The following XKRX variants were observed in gnomAD, a reference collection of about 807,000 sequenced individuals.
XKRX encodes XK-related protein 2.
Under a neutral mutation model 22.4 loss-of-function variants are expected in XKRX, and 11 were observed. That is an observed-to-expected ratio of 0.49 (90% CI 0.31 to 0.81). The LOEUF is 0.81. XKRX is among the 40% of genes least tolerant of loss of function. The pLI, the probability that XKRX is intolerant of heterozygous loss-of-function variation, is 0.05. For missense variants in XKRX, 320 were observed against 336.5 expected (o/e 0.95, Z 0.38); for synonymous variants, 114 against 132.2 (o/e 0.86, Z 0.94).
chrX:100,937,691 G>A, the XKRX span, among the ~76,000 whole-genome samples: 1 of 111,915 alleles, frequency 8.9e-6, no homozygotes, highest in Non-Finnish European at 1.9e-5. Flanking sequence ...AGAGTCATTC[G>A]CACACAAGGG....
the XKRX span, among the ~76,000 whole-genome samples, chrX:100,904,087 TA>T: frequency 2.7e-5 from 3 of 111,906 alleles, no homozygotes; most frequent in African/African-American, 9.7e-5. Flanking sequence ...AGACTTACTA[TA>T]AAGCTACAGT....
At chrX:100,904,414 G>A in the XKRX span, among the ~76,000 whole-genome samples, 1 of 112,460 alleles carries the variant, frequency 8.9e-6, no homozygotes, top group East Asian at 2.8e-4. Flanking sequence ...GATAACATAG[G>A]AGAAAATCTA....
At chrX:100,911,778 G>T (rs2085407872), downstream of XKRX, among the ~76,000 whole-genome samples, 1 of 111,610 alleles carries the variant, frequency 9.0e-6, no homozygotes, top group South Asian at 3.8e-4. Context: ...GAACCAAAAG[G>T]CCACCATCTG....
chrX:100,927,683 T>TG (rs1330844969), intron 1 of XKRX, among the ~76,000 whole-genome samples: 1 of 111,656 alleles, frequency 9.0e-6, no homozygotes. Flanking sequence ...TCTGCAGCTA[T>TG]GGCCTTCATG....
the XKRX span, among the ~76,000 whole-genome samples, chrX:100,945,582 G>A: frequency 1.8e-5 from 2 of 111,437 alleles, no homozygotes; most frequent in East Asian, 5.6e-4. Flanking sequence ...CATGAGCTAT[G>A]CAGTCAGGCA....
chrX:100,891,644 A>C, the XKRX span, among the ~76,000 whole-genome samples: 1 of 108,989 alleles, frequency 9.2e-6, no homozygotes, highest in Admixed American at 1.0e-4. Context: ...TAATCCCAGC[A>C]CTTTGGGAGC....
chrX:100,891,839 C>T, the XKRX span, among the ~76,000 whole-genome samples: 1 of 101,507 alleles, frequency 9.9e-6, no homozygotes, highest in Non-Finnish European at 2.0e-5. Flanking sequence ...AACTGGATAT[C>T]CACATGCAGA....
At chrX:100,927,789 A>G (rs2085504221) in intron 1 of XKRX, among the ~76,000 whole-genome samples, 181 bp downstream of exon 1, 1 of 112,158 alleles carries the variant, frequency 8.9e-6, no homozygotes, top group Admixed American at 9.5e-5. Flanking sequence ...CCACATGTTC[A>G]TCATGGTGGC....
chrX:100,957,125 T>C, the XKRX span: 2 of 1,151,718 alleles, frequency 1.7e-6, no homozygotes, highest in Non-Finnish European at 2.4e-6. Context: ...CCATTGTTTA[T>C]GCCAACGAGG....
intron 2 of XKRX, among the ~76,000 whole-genome samples, chrX:100,921,045 G>A (rs1350620590): frequency 1.8e-5 from 2 of 111,637 alleles, no homozygotes; most frequent in East Asian, 5.6e-4. Flanking sequence ...GGGATTATAA[G>A]CATCCACCAC....
chrX:100,912,087 G>C (rs2085409054), downstream of XKRX, among the ~76,000 whole-genome samples: 1 of 111,592 alleles, frequency 9.0e-6, no homozygotes, highest in Non-Finnish European at 1.9e-5. Flanking sequence ...GATTCACATG[G>C]CTTTTATGGA....
the XKRX span, among the ~76,000 whole-genome samples, chrX:100,936,609 A>C: frequency 1.9e-5 from 2 of 106,074 alleles, no homozygotes; most frequent in Admixed American, 1.0e-4. Context: ...GGAAGGAAGG[A>C]AGGCAGGCAG....
At chrX:100,926,727 T>C (rs1209714041) in intron 1 of XKRX, among the ~76,000 whole-genome samples, 4 of 111,909 alleles carry the variant, frequency 3.6e-5, no homozygotes, top group Admixed American at 9.5e-5. Context: ...CAGGTGCCTA[T>C]CTCGCTAGGA....
chrX:100,936,714 A>C, the XKRX span, among the ~76,000 whole-genome samples: 1 of 109,813 alleles, frequency 9.1e-6, no homozygotes, highest in African/African-American at 3.3e-5. Flanking sequence ...AACTTACAAT[A>C]ATGGCAGAAG....
At chrX:100,942,693 C>G in the XKRX span, among the ~76,000 whole-genome samples, 2 of 111,582 alleles carry the variant, frequency 1.8e-5, no homozygotes, top group Non-Finnish European at 3.8e-5. Context: ...TTTTGGTTCT[C>G]TGGGTTTATC....
chrX:100,922,495 G>T (rs1468501794), intron 2 of XKRX, among the ~76,000 whole-genome samples: 1 of 111,444 alleles, frequency 9.0e-6, no homozygotes, highest in Non-Finnish European at 1.9e-5. Flanking sequence ...AAGAAATCTG[G>T]CAGGCTTGAG....
chrX:100,917,674 A>AAAGAAAAAGAAAGAAAGAAAGAAAGAAAG, intron 2 of XKRX, among the ~76,000 whole-genome samples: 1 of 25,413 alleles, frequency 3.9e-5, no homozygotes, highest in South Asian at 2.3e-3. Flanking sequence ...AGAAAGAAAG[A>AAAGAAAAAGAAAGAAAGAAAGAAAGAAAG]AAAGAAAGAA....
the XKRX span, among the ~76,000 whole-genome samples, chrX:100,943,730 T>C: frequency 1.8e-5 from 2 of 112,217 alleles, no homozygotes; most frequent in African/African-American, 6.5e-5. Flanking sequence ...TATATTTTGC[T>C]ATAGTTCTGT....
chrX:100,938,838 C>A, the XKRX span, among the ~76,000 whole-genome samples: 1 of 112,110 alleles, frequency 8.9e-6, no homozygotes, highest in African/African-American at 3.2e-5. Context: ...TAACCAATTT[C>A]TCCTAAAGAT....
Sources: allele counts gnomAD v4.1 joint callset (sites outside exome capture counted in the v4.1 genomes callset), GRCh38; gene constraint gnomAD v4.1.1; transcripts MANE v1.5; gene names NCBI Gene and HGNC (gene_info 2026-07-23, HGNC 2026-07-21).